The following FUT8 variants were observed in gnomAD, a reference collection of about 807,000 sequenced individuals.
FUT8 encodes alpha-(1,6)-fucosyltransferase.
A neutral mutation model predicts 71.3 loss-of-function variants in FUT8; 29 were observed. That is an observed-to-expected ratio of 0.41 (90% CI 0.30 to 0.55). FUT8 has a LOEUF of 0.55. FUT8 is among the 20% of genes least tolerant of loss of function. The pLI is 0.34. For synonymous variants in FUT8, 254 were observed against 239.3 expected, an observed-to-expected ratio of 1.06 and a Z score of -0.57; for missense variants, 544 against 702.1, an observed-to-expected ratio of 0.77 and a Z score of 2.55.
the FUT8 span, among the ~76,000 whole-genome samples, chr14:65,402,944 C>T: frequency 2.0e-5 from 3 of 152,200 alleles, 1 homozygote; most frequent in Admixed American, 2.0e-4. Flanking sequence ...TTAGTCCTTG[C>T]TTTAAATACC....
chr14:65,585,730 T>A (rs1468089598), intron 3 of FUT8, among the ~76,000 whole-genome samples: 1 of 152,242 alleles, frequency 6.6e-6, no homozygotes, highest in Non-Finnish European at 1.5e-5. Flanking sequence ...TTGGTGGGCA[T>A]GTCTAATTAG....
intron 2 of FUT8, among the ~76,000 whole-genome samples, chr14:65,531,297 A>G (rs577391997): frequency 6.0e-4 from 91 of 152,234 alleles, no homozygotes; most frequent in Non-Finnish European, 1.1e-3. Flanking sequence ...AGTGCTTACA[A>G]TATTTGAGTT....
chr14:65,618,012 TATATATATATATATATA>T (rs1889378861), intron 5 of FUT8, among the ~76,000 whole-genome samples: 2 of 23,466 alleles, frequency 8.5e-5, no homozygotes, highest in Non-Finnish European at 1.3e-4. Flanking sequence ...AATTAATTCA[TATATATATATATATATA>T]TATATATATA....
intron 9 of FUT8, among the ~76,000 whole-genome samples, chr14:65,732,183 G>A (rs1251381340): frequency 6.6e-6 from 1 of 152,180 alleles, no homozygotes; most frequent in Non-Finnish European, 1.5e-5. Context: ...CTGAATAGCA[G>A]TCTGAAACAG....
rs115202376 is a variant in FUT8 at position 65,539,618 on chromosome 14, A to G, written c.-227-21719A>G. Among the ~76,000 whole-genome samples, 533 of 152,306 alleles carry G rather than the reference A, an allele frequency of 3.5e-3. 2 individuals are homozygous for G. Among genetic ancestry groups the G allele is most frequent in the African/African-American group, 0.012 (505 of 41,550 alleles). Reference sequence around the variant, plus strand: ...TAATATGGGTACTTATTTATGTACTAATAGAGATAATAGAGAATGTTTATT... The same window carrying G: ...TAATATGGGTACTTATTTATGTACTGATAGAGATAATAGAGAATGTTTATT... On this transcript the variant is annotated intron_variant, in intron 2 of 10. Coordinates refer to ENST00000673929, the MANE Select transcript of FUT8 (RefSeq NM_001371533.1).
intron 7 of FUT8, among the ~76,000 whole-genome samples, chr14:65,717,203 G>A (rs1339197658): frequency 3.0e-4 from 36 of 121,528 alleles, no homozygotes; most frequent in Non-Finnish European, 4.1e-4. Context: ...GGGCAGAGGC[G>A]CTCCTCACCT....
chr14:65,607,091 A>G lies in FUT8; in HGVS notation c.204-8887A>G, dbSNP rs1888626822. Among the ~76,000 whole-genome samples, 1 of 151,924 alleles carries G rather than the reference A, an allele frequency of 6.6e-6. No individual in the cohort carries two copies. Among genetic ancestry groups the G allele is most frequent in the Non-Finnish European group, 1.5e-5 (1 of 67,882 alleles). On this transcript the variant is annotated intron_variant, in intron 3 of 10. Coordinates refer to ENST00000673929, the MANE Select transcript of FUT8 (RefSeq NM_001371533.1). This position sits in a 1 kb window ranked among gnomAD's most constrained non-coding sequence, Gnocchi z 4.1. ...GTATATAGTGATGTCCCTGAACTTT[A>G]TTAGTACGATTTGTAGATTATCTTG...
At chr14:65,716,597 A>G (rs1419852300) in intron 7 of FUT8, among the ~76,000 whole-genome samples, 2 of 152,192 alleles carry the variant, frequency 1.3e-5, no homozygotes, top group Admixed American at 1.3e-4. Flanking sequence ...TTTTCTTAGT[A>G]CAGAACAAAA....
At chr14:65,468,529 C>G (rs117391172) in intron 2 of FUT8, among the ~76,000 whole-genome samples, 7 of 150,268 alleles carry the variant, frequency 4.7e-5, no homozygotes, top group African/African-American at 1.7e-4. Context: ...TTTTCTTTAC[C>G]TCTTGCTTCT....
intron 2 of FUT8, among the ~76,000 whole-genome samples, chr14:65,478,461 A>G (rs1311204038): frequency 6.6e-6 from 1 of 152,092 alleles, no homozygotes; most frequent in Non-Finnish European, 1.5e-5. Flanking sequence ...CCCTATTCCC[A>G]TTAGTTTTTA....
chr14:65,578,802 A>G (rs1886926162), intron 3 of FUT8, among the ~76,000 whole-genome samples: 1 of 152,320 alleles, frequency 6.6e-6, no homozygotes, highest in South Asian at 2.1e-4. Flanking sequence ...TACAATGGCT[A>G]CAAGGAAATA....
chr14:65,406,519 C>T (rs141774277), upstream of FUT8, among the ~76,000 whole-genome samples: 1,196 of 152,200 alleles, frequency 7.9e-3, 7 homozygotes, highest in Non-Finnish European at 0.013. Context: ...CTTTTCTTTT[C>T]GTCTCTCGCT....
At chr14:65,727,548 A>G (rs969945025) in intron 9 of FUT8, among the ~76,000 whole-genome samples, 14 of 152,146 alleles carry the variant, frequency 9.2e-5, no homozygotes, top group Admixed American at 8.5e-4. Context: ...CCAAGTCCCT[A>G]GACTGAACAC....
intron 1 of FUT8, 129 bp from the exon 2 acceptor site, chr14:65,455,492 C>T (rs1402692796): frequency 2.0e-5 from 8 of 390,274 alleles, no homozygotes; most frequent in Admixed American, 8.9e-5. Flanking sequence ...AGTCAGTGTA[C>T]AAAATAAGTG....
chr14:65,665,257 A>G (rs1892154676), intron 6 of FUT8, among the ~76,000 whole-genome samples: 1 of 152,184 alleles, frequency 6.6e-6, no homozygotes, highest in South Asian at 2.1e-4. Flanking sequence ...ATTAATAGAG[A>G]AATTAGAGTT....
chr14:65,633,926 C>G (rs534357704), intron 6 of FUT8, among the ~76,000 whole-genome samples: 15 of 149,214 alleles, frequency 1.0e-4, no homozygotes, highest in African/African-American at 3.7e-4. Flanking sequence ...CCAGCTGCCC[C>G]GTCCGGGAGG....
chr14:65,479,419 T>G (rs1183157117), intron 2 of FUT8, among the ~76,000 whole-genome samples: 1 of 152,218 alleles, frequency 6.6e-6, no homozygotes, highest in Non-Finnish European at 1.5e-5. Flanking sequence ...TCTCTAACAC[T>G]GGGTATTCTT....
intron 1 of FUT8, among the ~76,000 whole-genome samples, chr14:65,435,173 C>T (rs2065536206): frequency 1.3e-5 from 2 of 152,228 alleles, no homozygotes; most frequent in Admixed American, 6.5e-5. Flanking sequence ...TATACACACA[C>T]ATCCTCCTGG....
At chr14:65,617,190 A>G (rs751978310) in intron 5 of FUT8, 1 of 1,543,022 alleles carries the variant, frequency 6.5e-7, no homozygotes, top group Admixed American at 2.4e-5. Flanking sequence ...TACCCCATAC[A>G]AGTAAGAGAT....
Sources: allele counts gnomAD v4.1 joint callset (sites outside exome capture counted in the v4.1 genomes callset), GRCh38; gene constraint gnomAD v4.1.1; non-coding constraint Gnocchi (gnomAD v3.1); transcripts MANE v1.5; gene names NCBI Gene and HGNC (gene_info 2026-07-23, HGNC 2026-07-21).